The following MAST4 variants were observed in gnomAD, a reference collection of about 807,000 sequenced individuals.
The protein encoded by MAST4 is microtubule-associated serine/threonine-protein kinase 4.
In MAST4, 89 loss-of-function variants were observed where a neutral mutation model predicts 162.7. The observed-to-expected ratio is 0.55, with a 90% CI of 0.46 to 0.65. MAST4 has a LOEUF of 0.65. MAST4 is among the 30% of genes least tolerant of loss of function. The pLI, the probability that MAST4 is intolerant of heterozygous loss-of-function variation, is 0.00. For synonymous variants in MAST4, 1,479 were observed against 1,361.1 expected (o/e 1.09, Z -1.91); for missense variants, 3,153 against 3,374.0 (o/e 0.93, Z 1.62).
rs146403360 is a variant in MAST4, at chr5:67,008,816, C to G, written c.675-45588C>G. Among the ~76,000 whole-genome samples the G allele has an allele frequency of 4.2e-3, 644 of 152,228 alleles. 9 individuals are homozygous for G. The highest frequency in any genetic ancestry group is 0.014 in the African/African-American group (579 of 41,546). ...AGTAATTGCTATGAACAGCAGGTAC[C>G]TTCAGGGATCTTAAACTAAATCCTG... On this transcript the variant is annotated intron_variant, in intron 4 of 28. Transcript: ENST00000403625.
chr5:66,765,131 T>C (rs1754032924), intron 2 of MAST4, among the ~76,000 whole-genome samples: 1 of 152,200 alleles, frequency 6.6e-6, no homozygotes, highest in East Asian at 1.9e-4. Context: ...CCCTGTAGTT[T>C]GGTTGCACAG....
chr5:66,696,739 TC>T (rs1405593548), intron 1 of MAST4, among the ~76,000 whole-genome samples: 1 of 120,422 alleles, frequency 8.3e-6, no homozygotes, highest in Non-Finnish European at 1.7e-5. Context: ...TACCGAGATA[TC>T]ATCTGCATTT....
At chr5:66,955,282 A>G (rs1195726862) in intron 4 of MAST4, among the ~76,000 whole-genome samples, 1 of 151,930 alleles carries the variant, frequency 6.6e-6, no homozygotes, top group East Asian at 1.9e-4. Context: ...GCAAGATGTA[A>G]AGGAAGTTCA....
At chr5:66,696,912 TA>T (rs1001599593) in intron 1 of MAST4, among the ~76,000 whole-genome samples, 10 of 152,076 alleles carry the variant, frequency 6.6e-5, no homozygotes, top group Non-Finnish European at 1.5e-4. Context: ...GATGAAGCAG[TA>T]AAAAAAATTC....
chr5:66,684,543 A>G (rs904124659), intron 1 of MAST4, among the ~76,000 whole-genome samples: 1 of 152,164 alleles, frequency 6.6e-6, no homozygotes, highest in Non-Finnish European at 1.5e-5. Flanking sequence ...ATGCATTGTG[A>G]ATGTGGGTAG....
chr5:66,713,673 C>T (rs1001199155), intron 1 of MAST4, among the ~76,000 whole-genome samples: 19 of 152,120 alleles, frequency 1.2e-4, no homozygotes, highest in Admixed American at 2.0e-4. Context: ...GCAAACGTTT[C>T]GTAATATGCC....
Position 67,131,951 on chromosome 5 carries a change from A to T in MAST4, c.2093A>T (p.Asn698Ile), listed in dbSNP as rs1218111435. 1.2e-6 allele frequency: 2 copies of T among 1,612,282 alleles called. No homozygotes were observed. The highest frequency in any genetic ancestry group is 1.7e-6 in the Non-Finnish European group (2 of 1,178,948). The change falls in exon 16 of 29, where the codon AAC becomes ATC. Residue 698 changes from asparagine (N) to isoleucine (I), a missense_variant and splice_region_variant. Physicochemically the swap from Asn to Ile is moderately radical, Grantham distance 149. This residue lies in a region of MAST4 where 131 missense variants were observed against 253.8 expected (regional missense o/e 0.52). Transcript: ENST00000403625. ...GTACACAGGGATTTGAAACCAGACAAGTATGTACACAAATGAAATATATGT... is the reference window on the plus strand; with the variant it reads ...GTACACAGGGATTTGAAACCAGACATGTATGTACACAAATGAAATATATGT... ...GIVHRDLKPDNLLVTSMGHIK... is the reference protein window; with the variant it reads ...GIVHRDLKPDILLVTSMGHIK...
At chr5:66,836,502 A>G (rs757127758) in intron 3 of MAST4, among the ~76,000 whole-genome samples, 5 of 152,168 alleles carry the variant, frequency 3.3e-5, no homozygotes, top group Non-Finnish European at 7.3e-5. Context: ...GCATGTGTTC[A>G]TTGTAGTGCT....
intron 1 of MAST4, among the ~76,000 whole-genome samples, chr5:66,747,093 G>A (rs868234670): frequency 4.4e-5 from 6 of 136,104 alleles, no homozygotes; most frequent in South Asian, 2.5e-4. Context: ...GTGTGCATGC[G>A]CATGGTGTGT....
At position 66,602,060 on chromosome 5, in the gene MAST4, A is replaced by C. The variant is rs113953800; in HGVS notation, c.363+5042A>C. Among the ~76,000 whole-genome samples the C allele has an allele frequency of 3.9e-5, 6 of 152,372 alleles. 1 individual carries two copies. The highest frequency in any genetic ancestry group is 1.2e-4 in the African/African-American group (5 of 41,590). On this transcript the variant is annotated intron_variant, in intron 1 of 28. Coordinates refer to ENST00000403625, the MANE Select transcript of MAST4 (RefSeq NM_001164664.2). Reference sequence around the variant, plus strand: ...CGTGTGAAATACAATATGAAAATACATACATATGAAATACTTTTGATCTGT... The same window carrying C: ...CGTGTGAAATACAATATGAAAATACCTACATATGAAATACTTTTGATCTGT...
At chr5:66,948,550 A>G (rs1245485442) in intron 4 of MAST4, among the ~76,000 whole-genome samples, 1 of 152,042 alleles carries the variant, frequency 6.6e-6, no homozygotes, top group Non-Finnish European at 1.5e-5. Flanking sequence ...GGCAGCTTGC[A>G]CCATTCCTCC....
chr5:67,123,994 G>A (rs567944438), intron 14 of MAST4, among the ~76,000 whole-genome samples: 21 of 152,264 alleles, frequency 1.4e-4, no homozygotes, highest in African/African-American at 4.3e-4. Flanking sequence ...ACGGAGTCAC[G>A]TATTGGGCTC....
chr5:67,006,499 A>T (rs1752053438), intron 4 of MAST4, among the ~76,000 whole-genome samples: 1 of 152,178 alleles, frequency 6.6e-6, no homozygotes, highest in Admixed American at 6.5e-5. Flanking sequence ...GATAATTCGT[A>T]TGATTTCTTA....
intron 5 of MAST4, among the ~76,000 whole-genome samples, chr5:67,059,422 G>C (rs1023331261): frequency 1.3e-5 from 2 of 152,100 alleles, no homozygotes; most frequent in African/African-American, 4.8e-5. Flanking sequence ...AATAACTAGG[G>C]GACTGGAATT....
At chr5:66,603,636 T>C (rs563286094) in intron 1 of MAST4, among the ~76,000 whole-genome samples, 1 of 152,304 alleles carries the variant, frequency 6.6e-6, no homozygotes, top group African/African-American at 2.4e-5. Context: ...ATACAAGAAC[T>C]CCTGTATGCA....
At chr5:66,877,498 C>T (rs1166399925) in intron 3 of MAST4, among the ~76,000 whole-genome samples, 2 of 152,296 alleles carry the variant, frequency 1.3e-5, no homozygotes, top group African/African-American at 4.8e-5. Flanking sequence ...AGCCCGATTA[C>T]TCTGGCTTTA....
chr5:66,762,667 T>C (rs79022009), intron 2 of MAST4, among the ~76,000 whole-genome samples: 290 of 152,352 alleles, frequency 1.9e-3, no homozygotes, highest in Non-Finnish European at 3.3e-3. Context: ...GGACATACCC[T>C]GTTGCTAAAC....
intron 4 of MAST4, among the ~76,000 whole-genome samples, chr5:66,948,703 T>C (rs1027959899): frequency 6.6e-5 from 10 of 152,094 alleles, no homozygotes; most frequent in Admixed American, 2.0e-4. Context: ...CCAGAGTAAT[T>C]TGAATTTCTC....
intron 4 of MAST4, among the ~76,000 whole-genome samples, chr5:66,962,202 A>G (rs971520854): frequency 2.0e-5 from 3 of 152,202 alleles, no homozygotes; most frequent in African/African-American, 7.2e-5. Flanking sequence ...CTCTGTTTCA[A>G]GACCTCATTC....
Sources: gnomAD v4.1 joint callset for allele counts (sites outside exome capture counted in the v4.1 genomes callset) on GRCh38, gnomAD v4.1.1 for gene constraint, gnomAD v4.1.1 regional missense constraint, MANE v1.5 for transcripts, NCBI Gene and HGNC (gene_info 2026-07-23, HGNC 2026-07-21) for gene names.